KHDRBS3: variants seen among roughly 807,000 people sequenced by gnomAD.
The protein encoded by KHDRBS3 is KH RNA binding domain containing, signal transduction associated 3.
KHDRBS3 carries 23 observed loss-of-function variants against 45.6 expected under a neutral mutation model. The ratio of observed to expected loss-of-function variants is 0.50; its 90% CI spans 0.36 to 0.72. The LOEUF (loss-of-function observed/expected upper bound fraction) is 0.72. Among genes scored for constraint, KHDRBS3 ranks in the 30% least tolerant of loss-of-function variants. The pLI, the probability that KHDRBS3 is intolerant of heterozygous loss-of-function variation, is 0.00. For synonymous variants in KHDRBS3, 162 were observed against 156.5 expected, an observed-to-expected ratio of 1.04 and a Z score of -0.26; for missense variants, 352 against 424.8, an observed-to-expected ratio of 0.83 and a Z score of 1.51.
chr8:135,477,447 C>A (rs909041312), intron 1 of KHDRBS3, among the ~76,000 whole-genome samples: 1 of 152,030 alleles, frequency 6.6e-6, no homozygotes, highest in Non-Finnish European at 1.5e-5. Flanking sequence ...AAGTTTCTGA[C>A]ATAATAAGTA....
intron 7 of KHDRBS3, among the ~76,000 whole-genome samples, chr8:135,619,806 G>A (rs1485153255): frequency 2.0e-5 from 3 of 152,188 alleles, no homozygotes; most frequent in African/African-American, 7.2e-5. Flanking sequence ...CCCTGCATGT[G>A]CTTCTCCAGG....
intron 6 of KHDRBS3, among the ~76,000 whole-genome samples, chr8:135,593,843 A>T (rs1828857940): frequency 6.6e-6 from 1 of 152,162 alleles, no homozygotes; most frequent in Non-Finnish European, 1.5e-5. Flanking sequence ...TAATTGACTT[A>T]TGTACAAAGA....
At chr8:135,572,727 G>A (rs1827764387) in intron 5 of KHDRBS3, among the ~76,000 whole-genome samples, 1 of 152,222 alleles carries the variant, frequency 6.6e-6, no homozygotes, top group African/African-American at 2.4e-5. Flanking sequence ...CACATTTCGG[G>A]TGGTCTCTAG....
intron 5 of KHDRBS3, among the ~76,000 whole-genome samples, chr8:135,578,963 GT>G (rs1389526426): frequency 6.6e-6 from 1 of 151,996 alleles, no homozygotes; most frequent in African/African-American, 2.4e-5. Context: ...TTCAGTAAAT[GT>G]TTTTTGTTCT....
At chr8:135,567,095 G>A (rs1827460625) in intron 5 of KHDRBS3, among the ~76,000 whole-genome samples, 1 of 152,112 alleles carries the variant, frequency 6.6e-6, no homozygotes, top group Non-Finnish European at 1.5e-5. Context: ...CACATCTATA[G>A]CAGCTGAGTG....
chr8:135,629,126 G>A (rs924344561), intron 7 of KHDRBS3, among the ~76,000 whole-genome samples: 3 of 152,214 alleles, frequency 2.0e-5, no homozygotes, highest in African/African-American at 7.2e-5. Context: ...GAAAAGGGAA[G>A]GGACCAGCTG....
chr8:135,629,205 T>C (rs1337330211), intron 7 of KHDRBS3, among the ~76,000 whole-genome samples: 1 of 152,222 alleles, frequency 6.6e-6, no homozygotes, highest in African/African-American at 2.4e-5. Context: ...ATCCTTTTAT[T>C]TGACAAAGTG....
At chr8:135,523,138 A>C (rs1825002143) in intron 2 of KHDRBS3, among the ~76,000 whole-genome samples, 1 of 152,174 alleles carries the variant, frequency 6.6e-6, no homozygotes, top group South Asian at 2.1e-4. Flanking sequence ...TTACTTAGAT[A>C]CTTTAGATCC....
chr8:135,586,932 A>T (rs1014410978), intron 6 of KHDRBS3, among the ~76,000 whole-genome samples: 1 of 152,204 alleles, frequency 6.6e-6, no homozygotes, highest in African/African-American at 2.4e-5. Context: ...TTCAGAAAGT[A>T]TGCATTTCAA....
intron 7 of KHDRBS3, among the ~76,000 whole-genome samples, chr8:135,619,495 G>T (rs533072827): frequency 6.6e-6 from 1 of 152,270 alleles, no homozygotes; most frequent in African/African-American, 2.4e-5. Flanking sequence ...GCATAAAGAT[G>T]TAGTAAATTA....
At chr8:135,502,684 C>T (rs987532707) in intron 1 of KHDRBS3, among the ~76,000 whole-genome samples, 2 of 152,078 alleles carry the variant, frequency 1.3e-5, no homozygotes, top group Admixed American at 6.6e-5. Flanking sequence ...CTCCAAAGTC[C>T]GTGTGTGCTT....
chr8:135,629,936 G>C (rs1031858302), intron 7 of KHDRBS3, among the ~76,000 whole-genome samples: 1 of 152,242 alleles, frequency 6.6e-6, no homozygotes, highest in Admixed American at 6.5e-5. Context: ...TATGGAAAAA[G>C]CCGAGACAAT....
chr8:135,595,353 C>T (rs1828928087), intron 6 of KHDRBS3, among the ~76,000 whole-genome samples: 2 of 152,102 alleles, frequency 1.3e-5, no homozygotes, highest in Admixed American at 1.3e-4. Context: ...AGGATTCGTA[C>T]CTTTTTATGA....
At chr8:135,654,474 A>C (rs1262415659) in intron 4 of KHDRBS3, among the ~76,000 whole-genome samples, 2 of 152,080 alleles carry the variant, frequency 1.3e-5, no homozygotes, top group African/African-American at 4.8e-5. Flanking sequence ...CCACACCAGA[A>C]ACTCATCTGC....
rs903784906 is a variant in KHDRBS3, at chr8:135,590,618, G to C, written c.807+8545G>C. Among the ~76,000 whole-genome samples, 2 of 152,148 alleles carry C rather than the reference G, an allele frequency of 1.3e-5. 1 individual carries two copies. The highest frequency in any genetic ancestry group is 2.9e-5 in the Non-Finnish European group (2 of 67,994). On this transcript the variant is annotated intron_variant, in intron 6 of 8. Coordinates refer to ENST00000355849, the MANE Select transcript of KHDRBS3 (RefSeq NM_006558.3). ...TCAAATAGAAACCTTTAATTGAAAA[G>C]TAAGTTACAGAATAAACAAATACAT...
chr8:135,595,298 G>C (rs1355943688), intron 6 of KHDRBS3, among the ~76,000 whole-genome samples: 1 of 152,088 alleles, frequency 6.6e-6, no homozygotes, highest in Non-Finnish European at 1.5e-5. Context: ...CTGCTGTGTG[G>C]CTTGGTTGTA....
At chr8:135,508,311 T>C (rs1474083959) in intron 1 of KHDRBS3, among the ~76,000 whole-genome samples, 1 of 152,194 alleles carries the variant, frequency 6.6e-6, no homozygotes, top group African/African-American at 2.4e-5. Context: ...ATTAGTACAG[T>C]CATATTTCTA....
intron 7 of KHDRBS3, among the ~76,000 whole-genome samples, chr8:135,637,412 CTT>C (rs1028335458): frequency 5.9e-5 from 9 of 152,156 alleles, no homozygotes; most frequent in Non-Finnish European, 7.3e-5. Flanking sequence ...ATGCATGACT[CTT>C]TACATTTTTC....
chr8:135,543,034 A>G (rs1826120673), intron 3 of KHDRBS3, among the ~76,000 whole-genome samples: 1 of 152,222 alleles, frequency 6.6e-6, no homozygotes, highest in South Asian at 2.1e-4. Flanking sequence ...GTAAAGTAAT[A>G]TTAAAATTAT....
Sources: gnomAD v4.1 joint callset for allele counts (sites outside exome capture counted in the v4.1 genomes callset) on GRCh38, gnomAD v4.1.1 for gene constraint, MANE v1.5 for transcripts, NCBI Gene and HGNC (gene_info 2026-07-23, HGNC 2026-07-21) for gene names.